LHFPL3: variants seen among roughly 807,000 people sequenced by gnomAD.
The protein encoded by LHFPL3 is LHFPL tetraspan subfamily member 3 protein.
Under a neutral mutation model 19.3 loss-of-function variants are expected in LHFPL3, and 5 were observed. That is an observed-to-expected ratio of 0.26 (90% CI 0.14 to 0.54). The LOEUF is 0.54. Among genes scored for constraint, LHFPL3 ranks in the 20% least tolerant of loss-of-function variants. The pLI, the probability that LHFPL3 is intolerant of heterozygous loss-of-function variation, is 0.94. For missense variants in LHFPL3, 249 were observed against 307.4 expected (o/e 0.81, Z 1.42); for synonymous variants, 133 against 126.2 (o/e 1.05, Z -0.36).
chr7:104,584,647 GAAGA>G (rs1790530370), intron 1 of LHFPL3, among the ~76,000 whole-genome samples: 1 of 152,092 alleles, frequency 6.6e-6, no homozygotes, highest in Non-Finnish European at 1.5e-5. Context: ...CTAACCAAAT[GAAGA>G]AAGTCTCACT....
At chr7:104,586,589 G>A (rs975273367) in intron 1 of LHFPL3, among the ~76,000 whole-genome samples, 4 of 152,000 alleles carry the variant, frequency 2.6e-5, no homozygotes, top group Admixed American at 6.6e-5. Flanking sequence ...TTAAAAGTTG[G>A]CAAGGTATTG....
chr7:104,863,464 G>C (rs1452086379), intron 2 of LHFPL3, among the ~76,000 whole-genome samples: 1 of 152,186 alleles, frequency 6.6e-6, no homozygotes, highest in African/African-American at 2.4e-5. Flanking sequence ...TAAGTGCTGT[G>C]TTCCAGGGGT....
chr7:104,493,796 T>A (rs1021080427), intron 1 of LHFPL3, among the ~76,000 whole-genome samples: 1 of 152,096 alleles, frequency 6.6e-6, no homozygotes, highest in African/African-American at 2.4e-5. Flanking sequence ...ACCTCTTAAC[T>A]AATCTCCTCT....
intron 1 of LHFPL3, among the ~76,000 whole-genome samples, chr7:104,550,966 T>C (rs968525308): frequency 2.0e-5 from 3 of 152,162 alleles, no homozygotes; most frequent in African/African-American, 7.2e-5. Flanking sequence ...CCCAAAATTT[T>C]CCAGAGCTCT....
At chr7:104,739,714 C>G (rs967572035) in intron 2 of LHFPL3, among the ~76,000 whole-genome samples, 1 of 152,072 alleles carries the variant, frequency 6.6e-6, no homozygotes, top group Non-Finnish European at 1.5e-5. Flanking sequence ...GTGAGACAAG[C>G]AAATCTAGTT....
Position 104,522,972 on chromosome 7 carries a change from C to CTG in LHFPL3, c.445+193766_445+193767dup, listed in dbSNP as rs10541183. ...TGTCTGTCTCTCTCTCTATATATAT[C>CTG]TGTGTGTGTGTGTGTGTGTATGCAC... On this transcript the variant is annotated intron_variant, in intron 1 of 2. Transcript: ENST00000424859. Among the ~76,000 whole-genome samples, 402 of 150,682 alleles carry CTG rather than the reference C, an allele frequency of 2.7e-3. 2 individuals carry two copies. The highest frequency in any genetic ancestry group is 6.8e-3 in the East Asian group (35 of 5,136).
chr7:104,561,225 C>T (rs1396771815), intron 1 of LHFPL3, among the ~76,000 whole-genome samples: 4 of 149,550 alleles, frequency 2.7e-5, no homozygotes, highest in Non-Finnish European at 5.9e-5. Context: ...GAGTTCAATT[C>T]CTGGGTATCC....
intron 2 of LHFPL3, among the ~76,000 whole-genome samples, chr7:104,879,163 TC>T (rs1227749306): frequency 1.3e-5 from 2 of 152,174 alleles, no homozygotes; most frequent in Non-Finnish European, 2.9e-5. Context: ...ACACCTGTAA[TC>T]CCAGCATTTT....
At chr7:104,718,338 C>A (rs191462857) in intron 1 of LHFPL3, among the ~76,000 whole-genome samples, 1 of 152,272 alleles carries the variant, frequency 6.6e-6, no homozygotes, top group Admixed American at 6.5e-5. Context: ...AAGCTGCATT[C>A]GTGCCATATT....
At position 104,682,655 on chromosome 7, in the gene LHFPL3, A is replaced by G. The variant is rs186206293; in HGVS notation, c.446-54020A>G. 1.5e-3 allele frequency among the ~76,000 whole-genome samples: 232 copies of G among 152,250 alleles called. 1 individual carries two copies. The highest frequency in any genetic ancestry group is 4.7e-3 in the African/African-American group (194 of 41,546). ...GAATGGGACTGTGCCAGCTGGAAAA[A>G]CAAGTTTTTTGGATAAATGGGGCCC... On this transcript the variant is annotated intron_variant, in intron 1 of 2. Transcript: ENST00000424859.
intron 1 of LHFPL3, among the ~76,000 whole-genome samples, chr7:104,641,643 C>A (rs368270253): frequency 6.6e-6 from 1 of 152,070 alleles, no homozygotes; most frequent in East Asian, 1.9e-4. Flanking sequence ...TCTGCTGATG[C>A]GCTCTGGCCT....
chr7:104,762,417 C>G (rs1584520740), intron 2 of LHFPL3, among the ~76,000 whole-genome samples: 1 of 152,042 alleles, frequency 6.6e-6, no homozygotes, highest in Non-Finnish European at 1.5e-5. Flanking sequence ...TGCAGGCAGG[C>G]AGATGAGAAA....
intron 1 of LHFPL3, among the ~76,000 whole-genome samples, chr7:104,475,603 A>G (rs758084133): frequency 2.6e-5 from 4 of 152,212 alleles, no homozygotes; most frequent in Non-Finnish European, 5.9e-5. Context: ...ATCACAATTA[A>G]AAATTATGTC....
chr7:104,668,341 ACT>A (rs1792400410), intron 1 of LHFPL3: 1 of 1,594,526 alleles, frequency 6.3e-7, no homozygotes, highest in African/African-American at 1.3e-5. Flanking sequence ...ACAGATACAG[ACT>A]GGAGGGCTCG....
At chr7:104,735,482 G>T (rs1184764251) in intron 1 of LHFPL3, among the ~76,000 whole-genome samples, 2 of 152,246 alleles carry the variant, frequency 1.3e-5, no homozygotes, top group African/African-American at 4.8e-5. Context: ...TGCTAGCAAT[G>T]AGCAAGGCTC....
At chr7:104,350,635 C>T (rs976580763) in intron 1 of LHFPL3, among the ~76,000 whole-genome samples, 1 of 152,168 alleles carries the variant, frequency 6.6e-6, no homozygotes, top group African/African-American at 2.4e-5. Context: ...TGTGACCTCA[C>T]AAAGCTTATG....
chr7:104,578,354 C>T (rs1790384335), intron 1 of LHFPL3, among the ~76,000 whole-genome samples: 2 of 152,160 alleles, frequency 1.3e-5, no homozygotes, highest in African/African-American at 4.8e-5. Context: ...TGGGATTTCC[C>T]ATCAGGATAA....
intron 1 of LHFPL3, among the ~76,000 whole-genome samples, chr7:104,524,710 T>G (rs1466151787): frequency 6.6e-6 from 1 of 152,186 alleles, no homozygotes; most frequent in Non-Finnish European, 1.5e-5. Flanking sequence ...CTACTTTGAA[T>G]TTTGAATAAA....
At chr7:104,458,251 C>G (rs2116614779) in intron 1 of LHFPL3, among the ~76,000 whole-genome samples, 1 of 152,172 alleles carries the variant, frequency 6.6e-6, no homozygotes, top group African/African-American at 2.4e-5. Flanking sequence ...GGTTTTAGGT[C>G]TAACGTTTAA....
Sources: allele counts gnomAD v4.1 joint callset (sites outside exome capture counted in the v4.1 genomes callset), GRCh38; gene constraint gnomAD v4.1.1; transcripts MANE v1.5; gene names NCBI Gene and HGNC (gene_info 2026-07-23, HGNC 2026-07-21).